The following BDP1 variants were observed in gnomAD, a reference collection of about 807,000 sequenced individuals.
BDP1 encodes BDP1 general transcription factor IIIB subunit.
Under a neutral mutation model 266.6 loss-of-function variants are expected in BDP1, and 169 were observed. That is an observed-to-expected ratio of 0.63 (90% CI 0.56 to 0.72). BDP1 has a LOEUF of 0.72. Ranked by LOEUF, BDP1 falls within the 30% of genes least tolerant of loss-of-function variation. BDP1 has a pLI of 0.00. For synonymous variants in BDP1, 1,090 were observed against 1,022.4 expected (o/e 1.07, Z -1.26); for missense variants, 3,015 against 3,053.8 (o/e 0.99, Z 0.30).
chr5:71,521,520 G>A (rs576308121), intron 22 of BDP1, among the ~76,000 whole-genome samples: 34 of 151,934 alleles, frequency 2.2e-4, no homozygotes, highest in Non-Finnish European at 4.1e-4. Flanking sequence ...TCAAACTCCC[G>A]ACCTCAGGTG....
At position 71,455,656 on chromosome 5, in the gene BDP1, T is replaced by C; in HGVS notation, c.-222T>C. On this transcript the variant is annotated 5_prime_UTR_variant, in exon 1 of 39. Coordinates refer to ENST00000358731, the MANE Select transcript of BDP1 (RefSeq NM_018429.3). ...GAGCGCGGGGATGCTGGGAGGAGGG[T>C]GAAATTTAGCCATCGGTGTGTGGCA... The C allele has an allele frequency of 1.8e-6, 1 of 570,066 alleles. No homozygotes were observed. The highest frequency in any genetic ancestry group is 3.1e-6 in the Non-Finnish European group (1 of 320,852). The allele number at this position is 570,066 out of a possible 1,614,324, so 35.3% of individuals were successfully genotyped here. A position where few individuals can be genotyped will look rare whatever the true frequency, so the allele number is the denominator to read the frequency against.
chr5:71,492,354 A>G (rs1646855475), intron 11 of BDP1, among the ~76,000 whole-genome samples: 1 of 152,142 alleles, frequency 6.6e-6, no homozygotes, highest in African/African-American at 2.4e-5. Context: ...TTACATAACC[A>G]CCAACAATGT....
intron 18 of BDP1, 96 bp downstream of exon 18, chr5:71,512,524 G>A (rs965564540): frequency 5.0e-5 from 39 of 775,050 alleles, no homozygotes; most frequent in Non-Finnish European, 7.2e-5. Context: ...ACAGGATAGT[G>A]TTAGAGCTTT....
chr5:71,538,447 C>T (rs1766771253), intron 26 of BDP1, among the ~76,000 whole-genome samples: 1 of 152,146 alleles, frequency 6.6e-6, no homozygotes, highest in Admixed American at 6.6e-5. Context: ...TAGACTCTCA[C>T]CTTTGTTAGC....
chr5:71,546,938 C>G (rs1026349309), intron 32 of BDP1, among the ~76,000 whole-genome samples: 2 of 152,072 alleles, frequency 1.3e-5, no homozygotes, highest in African/African-American at 4.8e-5. Context: ...CTCTGCCTCC[C>G]AGGCTCAAGT....
intron 22 of BDP1, among the ~76,000 whole-genome samples, chr5:71,517,658 A>G (rs1028099260): frequency 2.0e-5 from 3 of 152,222 alleles, no homozygotes; most frequent in African/African-American, 4.8e-5. Context: ...AGTATATGAT[A>G]TTCCCTTAAG....
intron 8 of BDP1, among the ~76,000 whole-genome samples, 192 bp downstream of exon 8, chr5:71,484,088 C>A (rs909099162): frequency 1.3e-5 from 2 of 152,104 alleles, no homozygotes; most frequent in Non-Finnish European, 2.9e-5. Flanking sequence ...AGGAGATTAT[C>A]CAGAACATCT....
At chr5:71,517,505 A>G (rs1765284522) in intron 22 of BDP1, 53 bp downstream of exon 22, 5 of 1,461,968 alleles carry the variant, frequency 3.4e-6, no homozygotes, top group East Asian at 2.3e-5. Context: ...TAAAAGTTAT[A>G]TTTTTGCATA....
intron 37 of BDP1, among the ~76,000 whole-genome samples, chr5:71,562,040 C>G (rs750809947): frequency 6.6e-6 from 1 of 151,650 alleles, no homozygotes; most frequent in East Asian, 1.9e-4. Context: ...GTCAGGAGTT[C>G]GAGACCAGCC....
chr5:71,547,867 G>C (rs971092305), intron 32 of BDP1, among the ~76,000 whole-genome samples: 1 of 152,082 alleles, frequency 6.6e-6, no homozygotes, highest in Non-Finnish European at 1.5e-5. Context: ...AGAATTGCTC[G>C]GACCCAGGAG....
intron 34 of BDP1, 85 bp downstream of exon 34, chr5:71,549,691 TG>T: frequency 9.1e-7 from 1 of 1,094,278 alleles, no homozygotes; most frequent in Middle Eastern, 2.1e-4. Context: ...CATTCACCAA[TG>T]TTAGTTGTTA....
At chr5:71,541,433 G>GTTTT (rs370269048) in intron 28 of BDP1, 21 bp from the exon 29 acceptor site, 41 of 764,880 alleles carry the variant, frequency 5.4e-5, no homozygotes, top group South Asian at 2.0e-4. Flanking sequence ...TTTTAATTTT[G>GTTTT]TTTTTTTTTT....
chr5:71,564,685 T>C lies in BDP1; in HGVS notation c.7744-69T>C, dbSNP rs550374717. The C allele has an allele frequency of 5.5e-4, 731 of 1,336,706 alleles. 1 individual carries two copies. The highest frequency in any genetic ancestry group is 6.6e-4 in the Non-Finnish European group (639 of 966,064). 82.8% of individuals were successfully genotyped at this position (1,336,706 alleles called of 1,614,324 possible). Reference sequence around the variant, plus strand: ...TCATATTGGTTTAGACTGCTATATATACACACACATATATATATAAATGTT... The same window carrying C: ...TCATATTGGTTTAGACTGCTATATACACACACACATATATATATAAATGTT... On this transcript the variant is annotated intron_variant, in intron 38 of 38. Coordinates refer to ENST00000358731, the MANE Select transcript of BDP1 (RefSeq NM_018429.3).
At chr5:71,457,531 G>A (rs1418156720) in intron 1 of BDP1, among the ~76,000 whole-genome samples, 1 of 152,010 alleles carries the variant, frequency 6.6e-6, no homozygotes, top group Non-Finnish European at 1.5e-5. Context: ...GGCCAGGCTG[G>A]ACTCGAACTC....
At chr5:71,563,457 C>T (rs945272908) in intron 38 of BDP1, among the ~76,000 whole-genome samples, 6 of 151,846 alleles carry the variant, frequency 4.0e-5, no homozygotes, top group African/African-American at 1.5e-4. Context: ...TTATTATATT[C>T]AGGGAAAAAG....
chr5:71,504,999 C>T (rs1384458075), intron 16 of BDP1, among the ~76,000 whole-genome samples: 1 of 152,030 alleles, frequency 6.6e-6, no homozygotes, highest in Non-Finnish European at 1.5e-5. Context: ...AGCCTTATCA[C>T]TTTATTTTAT....
At position 71,467,347 on chromosome 5, in the gene BDP1, A is replaced by T. The variant is rs913501371; in HGVS notation, c.786-7A>T. The T allele has an allele frequency of 6.3e-7, 1 of 1,587,764 alleles. No individual in the cohort carries two copies. Among genetic ancestry groups the T allele is most frequent in the Non-Finnish European group, 8.6e-7 (1 of 1,163,056 alleles). On this transcript the variant is annotated splice_region_variant and splice_polypyrimidine_tract_variant and intron_variant, in intron 5 of 38. Coordinates refer to ENST00000358731, the MANE Select transcript of BDP1 (RefSeq NM_018429.3). Reference sequence around the variant, plus strand: ...TATACATCTATTTAAAAATGTGTTTATTTCAGTTTAACTGTAGAAGTTTTA... The same window carrying T: ...TATACATCTATTTAAAAATGTGTTTTTTTCAGTTTAACTGTAGAAGTTTTA...
intron 27 of BDP1, 51 bp downstream of exon 27, chr5:71,539,129 A>G: frequency 7.9e-7 from 1 of 1,259,236 alleles, no homozygotes; most frequent in Non-Finnish European, 1.1e-6. Flanking sequence ...ACACTAGTAC[A>G]GTGATTTAAT....
chr5:71,458,525 G>A (rs1761336159), intron 1 of BDP1, 54 bp from the exon 2 acceptor site: 3 of 1,333,804 alleles, frequency 2.2e-6, no homozygotes, highest in Non-Finnish European at 3.0e-6. Context: ...TTTAAAACTA[G>A]CATGTGTAAC....
Sources: allele counts gnomAD v4.1 joint callset (sites outside exome capture counted in the v4.1 genomes callset), GRCh38; gene constraint gnomAD v4.1.1; transcripts MANE v1.5; gene names NCBI Gene and HGNC (gene_info 2026-07-23, HGNC 2026-07-21).